PIAS2: variants seen among roughly 807,000 people sequenced by gnomAD.
The protein encoded by PIAS2 is protein inhibitor of activated STAT 2, also known as E3 SUMO-protein ligase PIAS2.
In PIAS2, 19 loss-of-function variants were observed where a neutral mutation model predicts 69.7. The observed-to-expected ratio is 0.27, with a 90% CI of 0.19 to 0.40. The LOEUF is 0.40. Among genes scored for constraint, PIAS2 ranks in the 10% least tolerant of loss-of-function variants. The pLI is 1.00. For missense variants in PIAS2, 624 were observed against 757.0 expected (o/e 0.82, Z 2.06); for synonymous variants, 261 against 263.2 (o/e 0.99, Z 0.08).
intron 3 of PIAS2, among the ~76,000 whole-genome samples, chr18:46,858,220 A>AT (rs2048124646): frequency 8.9e-6 from 1 of 112,800 alleles, no homozygotes; most frequent in Admixed American, 8.2e-5. Flanking sequence ...AGGAGATAAG[A>AT]TTAAAAAAAA....
At position 46,810,702 on chromosome 18, in the gene PIAS2, A is replaced by C. The variant is rs1237424293; in HGVS notation, c.*1731T>G. 1.3e-5 allele frequency: 2 copies of C among 151,854 alleles called. No homozygotes were observed. Among genetic ancestry groups the C allele is most frequent in the Non-Finnish European group, 2.9e-5 (2 of 67,998 alleles). The allele number at this position is 151,854 out of a possible 1,614,324, so 9.4% of individuals were successfully genotyped here. A position where few individuals can be genotyped will look rare whatever the true frequency, so the allele number is the denominator to read the frequency against. On this transcript the variant is annotated 3_prime_UTR_variant, in exon 14 of 14. Coordinates refer to ENST00000585916, the MANE Select transcript of PIAS2 (RefSeq NM_004671.5). ...CATATGAATTTAAATCAACATAAAAAGAACACACAAAGGCCATGGAAACTT... is the reference window on the plus strand; with the variant it reads ...CATATGAATTTAAATCAACATAAAACGAACACACAAAGGCCATGGAAACTT...
At chr18:46,876,459 A>G (rs184114274) in intron 2 of PIAS2, among the ~76,000 whole-genome samples, 9 of 152,322 alleles carry the variant, frequency 5.9e-5, no homozygotes, top group African/African-American at 1.7e-4. Flanking sequence ...AGATGCTAGT[A>G]AAGGAACAGC....
At chr18:46,816,447 C>G in intron 12 of PIAS2, 3 of 984,984 alleles carry the variant, frequency 3.0e-6, no homozygotes, top group Non-Finnish European at 3.6e-6. Context: ...ATTTCTAAAG[C>G]CTTTTTGAAA....
At chr18:46,903,727 A>G (rs892030391) in intron 1 of PIAS2, 34 of 152,238 alleles carry the variant, frequency 2.2e-4, no homozygotes, top group African/African-American at 8.2e-4. Context: ...TCTCCGAGAA[A>G]GATGTGTGCG....
chr18:46,835,802 A>G (rs1334151790), intron 9 of PIAS2, among the ~76,000 whole-genome samples: 1 of 152,176 alleles, frequency 6.6e-6, no homozygotes, highest in Admixed American at 6.5e-5. Flanking sequence ...CAAATCTTAC[A>G]TGGTACATGG....
chr18:46,879,762 C>G (rs1025845222), intron 2 of PIAS2, among the ~76,000 whole-genome samples: 1 of 152,122 alleles, frequency 6.6e-6, no homozygotes, highest in Admixed American at 6.5e-5. Context: ...ATAACATGGA[C>G]AAACCTTGAG....
chr18:46,820,254 ATT>A (rs1174117781), intron 12 of PIAS2, among the ~76,000 whole-genome samples: 2 of 152,148 alleles, frequency 1.3e-5, no homozygotes, highest in Non-Finnish European at 2.9e-5. Flanking sequence ...ATGCCAGCAT[ATT>A]GTTATAATTG....
chr18:46,836,499 T>C lies in PIAS2; in HGVS notation c.1060A>G (p.Thr354Ala). 6.2e-7 allele frequency: 1 copy of C among 1,611,862 alleles called. No individual in the cohort carries two copies. Among genetic ancestry groups the C allele is most frequent in the Non-Finnish European group, 8.5e-7 (1 of 1,178,594 alleles). The change falls in exon 9 of 14, where the codon ACA (threonine) becomes GCA (alanine). Residue 354 changes from threonine to alanine, a missense_variant. This residue lies in a region of PIAS2 where 44 missense variants were observed against 90.9 expected (regional missense o/e 0.48). Coordinates refer to ENST00000585916, the MANE Select transcript of PIAS2 (RefSeq NM_004671.5). ...LMCPLGKMRL[T>A]IPCRAVTCTH... Reference sequence around the variant, plus strand: ...CAAGTCACTGCACGGCATGGGATTGTCAGCCTCATTTTTCCTAACTACAGG... The same window carrying C: ...CAAGTCACTGCACGGCATGGGATTGCCAGCCTCATTTTTCCTAACTACAGG...
chr18:46,864,433 A>G (rs1236843224), intron 2 of PIAS2, among the ~76,000 whole-genome samples, 185 bp from the exon 3 acceptor site: 1 of 152,138 alleles, frequency 6.6e-6, no homozygotes, highest in African/African-American at 2.4e-5. Context: ...GTCACTACAA[A>G]GGGGTTTCTT....
At chr18:46,877,490 T>G (rs1466044930) in intron 2 of PIAS2, among the ~76,000 whole-genome samples, 1 of 152,202 alleles carries the variant, frequency 6.6e-6, no homozygotes. Context: ...CCACCCATTC[T>G]GTAAACTGCC....
chr18:46,817,163 T>C, intron 12 of PIAS2: 17 of 962,220 alleles, frequency 1.8e-5, no homozygotes, highest in Non-Finnish European at 2.0e-5. Flanking sequence ...CTTTTTATAG[T>C]TTTTCAGTTT....
intron 2 of PIAS2, among the ~76,000 whole-genome samples, chr18:46,866,273 TATTG>T (rs1275605800): frequency 5.2e-4 from 79 of 152,340 alleles, no homozygotes; most frequent in African/African-American, 1.8e-3. Flanking sequence ...ATAGTCATAC[TATTG>T]ATTATGTTTG....
chr18:46,873,323 C>T lies in PIAS2; in HGVS notation c.500-9075G>A, dbSNP rs74623791. Among the ~76,000 whole-genome samples, 15 of 152,288 alleles carry T rather than the reference C, an allele frequency of 9.8e-5. No individual in the cohort carries two copies. In the East Asian group the frequency reaches 2.9e-3, roughly 29 times the overall value. On this transcript the variant is annotated intron_variant, in intron 2 of 13. Transcript: ENST00000585916. ...TGACAGGGAACCCAAATCTAAAAGGCCCTGGGCGTAAATGTTTAGATTTAA... is the reference window on the plus strand; with the variant it reads ...TGACAGGGAACCCAAATCTAAAAGGTCCTGGGCGTAAATGTTTAGATTTAA...
At chr18:46,841,690 G>T (rs993430014) in intron 8 of PIAS2, among the ~76,000 whole-genome samples, 2 of 152,178 alleles carry the variant, frequency 1.3e-5, no homozygotes, top group Non-Finnish European at 2.9e-5. Context: ...TGAAAAGATT[G>T]ATGAACCCCC....
chr18:46,916,758 C>G (rs1026271329), intron 1 of PIAS2: 2 of 922,930 alleles, frequency 2.2e-6, no homozygotes, highest in Non-Finnish European at 2.6e-6. Context: ...AGGCAGGGAT[C>G]CCCAAACATT....
chr18:46,878,508 C>T (rs1165793434), intron 2 of PIAS2, among the ~76,000 whole-genome samples: 2 of 152,126 alleles, frequency 1.3e-5, no homozygotes, highest in Admixed American at 6.5e-5. Flanking sequence ...GCCAAGTCAT[C>T]CCCCACCATC....
chr18:46,858,851 G>C (rs1279849443), intron 3 of PIAS2, among the ~76,000 whole-genome samples: 1 of 152,130 alleles, frequency 6.6e-6, no homozygotes, highest in African/African-American at 2.4e-5. Flanking sequence ...GGGTATCCAG[G>C]TTTTGGAATG....
intron 1 of PIAS2, chr18:46,901,182 C>G: frequency 2.9e-6 from 1 of 339,172 alleles, no homozygotes; most frequent in Non-Finnish European, 5.8e-6. Flanking sequence ...CTTTGGGAGG[C>G]CAAGGCGGGC....
Position 46,804,450 on chromosome 18 carries a change from G to C in PIAS2, c.*7983C>G, listed in dbSNP as rs1172259948. On this transcript the variant is annotated 3_prime_UTR_variant, in exon 14 of 14. Coordinates refer to ENST00000585916, the MANE Select transcript of PIAS2 (RefSeq NM_004671.5). Reference sequence around the variant, plus strand: ...CCTGTCAGAATCTGTTTCCACATTTGTAATATGGAGATAATCATGCCAAAC... The same window carrying C: ...CCTGTCAGAATCTGTTTCCACATTTCTAATATGGAGATAATCATGCCAAAC... The C allele has an allele frequency of 1.3e-5, 2 of 152,152 alleles. No individual in the cohort carries two copies. The highest frequency in any genetic ancestry group is 1.3e-4 in the Admixed American group (2 of 15,284). The allele number at this position is 152,152 out of a possible 1,614,324, so 9.4% of individuals were successfully genotyped here.
Sources: gnomAD v4.1 joint callset for allele counts (sites outside exome capture counted in the v4.1 genomes callset) on GRCh38, gnomAD v4.1.1 for gene constraint, gnomAD v4.1.1 regional missense constraint, MANE v1.5 for transcripts, NCBI Gene and HGNC (gene_info 2026-07-23, HGNC 2026-07-21) for gene names.